ZSCAN25: variants seen among roughly 807,000 people sequenced by gnomAD.
ZSCAN25 encodes the protein zinc finger and SCAN domain-containing protein 25.
A neutral mutation model predicts 38.7 loss-of-function variants in ZSCAN25; 27 were observed. The observed-to-expected ratio is 0.70, with a 90% CI of 0.51 to 0.96. The LOEUF (loss-of-function observed/expected upper bound fraction) is 0.96. Among genes scored for constraint, ZSCAN25 ranks in the 40% least tolerant of loss-of-function variants. The probability of loss-of-function intolerance (pLI) is 0.00; values close to 1 mark genes in which losing one functional copy is unlikely to be tolerated. For missense variants in ZSCAN25, 637 were observed against 705.9 expected (o/e 0.90, Z 1.11); for synonymous variants, 273 against 277.7 (o/e 0.98, Z 0.17).
chr7:99,655,511 A>G, the ZSCAN25 span, among the ~76,000 whole-genome samples: 2 of 152,138 alleles, frequency 1.3e-5, no homozygotes, highest in South Asian at 2.1e-4. Context: ...GTCAGGTAGC[A>G]TGATGCCTCC....
At chr7:99,664,132 G>A in the ZSCAN25 span, 2 of 1,510,254 alleles carry the variant, frequency 1.3e-6, no homozygotes, top group East Asian at 4.7e-5. Flanking sequence ...GGAAATCATT[G>A]AAAATGCAAA....
At chr7:99,633,811 A>C (rs1326297349), downstream of ZSCAN25, among the ~76,000 whole-genome samples, 1 of 152,136 alleles carries the variant, frequency 6.6e-6, no homozygotes, top group East Asian at 1.9e-4. Context: ...TTCACCTTTG[A>C]CCAGTGGAGG....
At chr7:99,708,463 A>C in the ZSCAN25 span, among the ~76,000 whole-genome samples, 4 of 151,012 alleles carry the variant, frequency 2.6e-5, no homozygotes, top group East Asian at 2.0e-4. Flanking sequence ...ACCTTGTCTT[A>C]CCCCTCCTTC....
the ZSCAN25 span, among the ~76,000 whole-genome samples, chr7:99,651,902 T>A: frequency 1.3e-5 from 2 of 152,184 alleles, no homozygotes; most frequent in East Asian, 3.9e-4. Context: ...CAGGAGGACC[T>A]GTGCTGTCTT....
the ZSCAN25 span, chr7:99,710,603 C>A: frequency 1.1e-5 from 16 of 1,506,424 alleles, no homozygotes; most frequent in Admixed American, 4.3e-5. Flanking sequence ...ATTTTGAGAG[C>A]CTTCCTACAT....
chr7:99,662,588 T>C, the ZSCAN25 span, among the ~76,000 whole-genome samples: 1 of 152,182 alleles, frequency 6.6e-6, no homozygotes, highest in Non-Finnish European at 1.5e-5. The surrounding 1 kb of genome is among the most constrained non-coding windows in gnomAD (Gnocchi z 4.3). Context: ...CTGACTGTCC[T>C]CCAAGCATTC....
the ZSCAN25 span, among the ~76,000 whole-genome samples, chr7:99,640,572 C>A: frequency 6.6e-6 from 1 of 152,186 alleles, no homozygotes; most frequent in African/African-American, 2.4e-5. Flanking sequence ...TGTTGAGCCA[C>A]CAATTGCAAT....
Position 99,629,890 on chromosome 7 carries a change from T to C in ZSCAN25, c.1505T>C (p.Val502Ala). 1 of 1,613,178 alleles carries C rather than the reference T, an allele frequency of 6.2e-7. No individual in the cohort carries two copies. Among genetic ancestry groups the C allele is most frequent in the Non-Finnish European group, 8.5e-7 (1 of 1,179,834 alleles). The change falls in exon 8 of 8, where the codon GTC (valine) becomes GCC (alanine). Residue 502 changes from valine to alanine, a missense_variant. Physicochemically the swap from Val to Ala is moderately conservative, Grantham distance 64 (BLOSUM62 0). Coordinates refer to ENST00000394152, the MANE Select transcript of ZSCAN25 (RefSeq NM_145115.3). This position sits in a 1 kb window ranked among gnomAD's most constrained non-coding sequence, Gnocchi z 5.6. ...CGGTTCAGCAAAGGGGAGCGGCTGG[T>C]CCGACACCAGAGAATCCATACAGGG... ...GKRFSKGERL[V>A]RHQRIHTGEK...
chr7:99,722,426 G>C, the ZSCAN25 span: 17 of 1,549,102 alleles, frequency 1.1e-5, no homozygotes, highest in African/African-American at 1.9e-4. Context: ...GTTGAAAACA[G>C]TCAAATCCAA....
chr7:99,661,025 G>A, the ZSCAN25 span, among the ~76,000 whole-genome samples: 12 of 152,242 alleles, frequency 7.9e-5, no homozygotes, highest in East Asian at 2.3e-3. Context: ...TATGGGGTAG[G>A]CTTTTTCCCA....
the ZSCAN25 span, chr7:99,676,234 C>T: frequency 6.2e-7 from 1 of 1,612,714 alleles, no homozygotes; most frequent in Non-Finnish European, 8.5e-7. Flanking sequence ...GAAATCAGGT[C>T]ACAGGGATTG....
intron 4 of ZSCAN25, 133 bp downstream of exon 4, chr7:99,620,126 G>A (rs932298904): frequency 7.5e-7 from 1 of 1,328,896 alleles, no homozygotes; most frequent in African/African-American, 1.5e-5. Context: ...ACTCCCTGAG[G>A]TTCTTTTTGG....
the ZSCAN25 span, among the ~76,000 whole-genome samples, chr7:99,694,458 T>G: frequency 6.6e-6 from 1 of 152,192 alleles, no homozygotes; most frequent in East Asian, 1.9e-4. Context: ...CCTCTACACA[T>G]TGGACACAGC....
the ZSCAN25 span, among the ~76,000 whole-genome samples, chr7:99,690,970 G>C: frequency 3.3e-5 from 5 of 152,132 alleles, no homozygotes; most frequent in African/African-American, 1.2e-4. Flanking sequence ...TATAAATCAT[G>C]CTGCTATAAA....
chr7:99,671,995 G>C, the ZSCAN25 span: 1 of 614,078 alleles, frequency 1.6e-6, no homozygotes, highest in Non-Finnish European at 2.9e-6. Flanking sequence ...TCAATTTCCT[G>C]TACTATAGTA....
At chr7:99,701,062 T>C in the ZSCAN25 span, among the ~76,000 whole-genome samples, 1 of 152,230 alleles carries the variant, frequency 6.6e-6, no homozygotes, top group Non-Finnish European at 1.5e-5. Context: ...GCCTCTCACC[T>C]ATTCATTCCT....
the ZSCAN25 span, among the ~76,000 whole-genome samples, chr7:99,683,395 T>C: frequency 6.6e-6 from 1 of 152,222 alleles, no homozygotes; most frequent in South Asian, 2.1e-4. Context: ...TCTTGTCCTC[T>C]TGTTATCTTT....
downstream of ZSCAN25, among the ~76,000 whole-genome samples, chr7:99,635,908 G>A (rs562874705): frequency 3.3e-5 from 5 of 152,124 alleles, no homozygotes; most frequent in African/African-American, 9.6e-5. Context: ...TTAGCCGGGC[G>A]TGGTGGCGGG....
the ZSCAN25 span, chr7:99,705,401 C>T: frequency 7.5e-7 from 1 of 1,336,796 alleles, no homozygotes; most frequent in Non-Finnish European, 1.1e-6. Flanking sequence ...TGGATGAAGC[C>T]CGTCTTCATT....
Sources: allele counts gnomAD v4.1 joint callset (sites outside exome capture counted in the v4.1 genomes callset), GRCh38; gene constraint gnomAD v4.1.1; non-coding constraint Gnocchi (gnomAD v3.1); transcripts MANE v1.5; gene names NCBI Gene and HGNC (gene_info 2026-07-23, HGNC 2026-07-21).